The following TTF1 variants were observed in gnomAD, a reference collection of about 807,000 sequenced individuals.
TTF1 encodes transcription termination factor 1, also known as transcription termination factor, RNA polymerase I.
A neutral mutation model predicts 80.2 loss-of-function variants in TTF1; 64 were observed. The observed-to-expected ratio is 0.80, with a 90% confidence interval of 0.65 to 0.98. The LOEUF (loss-of-function observed/expected upper bound fraction) is 0.98. Ranked by LOEUF, TTF1 falls within the 50% of genes least tolerant of loss-of-function variation. TTF1 has a pLI of 0.00. For synonymous variants in TTF1, 372 were observed against 382.7 expected (o/e 0.97, Z 0.33); for missense variants, 1,023 against 1,086.2 (o/e 0.94, Z 0.82).
intron 1 of TTF1, among the ~76,000 whole-genome samples, chr9:132,405,964 C>G (rs1282891994): frequency 6.6e-6 from 1 of 152,206 alleles, no homozygotes; most frequent in Non-Finnish European, 1.5e-5. Context: ...CTTAGCCGGT[C>G]TCATCTTTCT....
In TTF1 at chr9:132,400,132, A is replaced by C. The variant is rs1404087464; in HGVS notation, c.1494T>G (p.Leu498=). The change falls in exon 3 of 11, where the codon CTT becomes CTG. Residue 498 remains leucine (L), a synonymous_variant. Transcript: ENST00000334270. ...CCTTGATGTTAGGAATGAACTCCTG[A>C]AGCTGTTTCACGGCAGAACCCAAAT... ...DADLGSAVKQ[L]QEFIPNIKDR... 1 of 1,614,180 alleles carries C rather than the reference A, an allele frequency of 6.2e-7. No homozygotes were observed. Among genetic ancestry groups the C allele is most frequent in the Non-Finnish European group, 8.5e-7 (1 of 1,180,032 alleles).
At chr9:132,394,970 T>A (rs894098413) in intron 5 of TTF1, among the ~76,000 whole-genome samples, 12 of 151,304 alleles carry the variant, frequency 7.9e-5, no homozygotes, top group Admixed American at 6.6e-4. Context: ...GGCAGGTGGA[T>A]CGCCTGAGGT....
chr9:132,401,568 G>A lies in TTF1; in HGVS notation c.1254C>T (p.Leu418=), dbSNP rs372190191. 2.7e-5 allele frequency: 44 copies of A among 1,613,998 alleles called. No homozygotes were observed. The highest frequency in any genetic ancestry group is 3.5e-5 in the Non-Finnish European group (41 of 1,180,030). The change falls in exon 2 of 11, where the codon CTC becomes CTT. Residue 418 remains leucine, a synonymous_variant. Transcript: ENST00000334270. The part of the protein sequence containing the change: ...SVPSKNSEST[L]FDSVEGDGAM... ...CGCCATCACCTTCTACTGAATCAAA[G>A]AGTGTGCTCTCAGAGTTCTTACTGG...
intron 9 of TTF1, 106 bp from the exon 10 acceptor site, chr9:132,379,250 T>A (rs1223044244): frequency 2.7e-6 from 2 of 745,390 alleles, no homozygotes; most frequent in Non-Finnish European, 4.1e-6. Context: ...TAGTTTTTTT[T>A]ATCGTAAACA....
At chr9:132,399,433 G>A (rs1731243473) in intron 3 of TTF1, among the ~76,000 whole-genome samples, 1 of 151,836 alleles carries the variant, frequency 6.6e-6, no homozygotes, top group Non-Finnish European at 1.5e-5. Context: ...GTTGTATTGG[G>A]TCTCACACAA....
At chr9:132,377,138 TGTGTGTGAGTGCATGCATGTG>T (rs1849193495) in intron 10 of TTF1, among the ~76,000 whole-genome samples, 1 of 148,646 alleles carries the variant, frequency 6.7e-6, no homozygotes, top group South Asian at 2.1e-4. Flanking sequence ...ATGCATGTGG[TGTGTGTGAGTGCATGCATGTG>T]GTGAGTGCAT....
intron 10 of TTF1, among the ~76,000 whole-genome samples, chr9:132,376,928 G>A (rs113947102): frequency 2.0e-5 from 3 of 151,962 alleles, no homozygotes; most frequent in Admixed American, 6.6e-5. Flanking sequence ...TGAACTCCTC[G>A]TCTTACAAAG....
rs779327044 is a variant in TTF1, at chr9:132,402,503, C to A, written c.319G>T (p.Val107Leu). Residue 107 changes from valine (V) to leucine (L), a missense_variant, in exon 2 of 11, where the codon GTG (valine) becomes TTG (leucine). Val to Leu is a conservative substitution (Grantham distance 32). Coordinates refer to ENST00000334270, the MANE Select transcript of TTF1 (RefSeq NM_007344.4). ...DEEAGVTVVL[V>L]DKENINNTPK... Reference sequence around the variant, plus strand: ...GTGTTGTTAATATTTTCTTTATCCACAAGGACAACTGTAACACCTGCTTCC... The same window carrying A: ...GTGTTGTTAATATTTTCTTTATCCAAAAGGACAACTGTAACACCTGCTTCC... 3.7e-6 allele frequency: 6 copies of A among 1,614,092 alleles called. No individual in the cohort carries two copies. In the South Asian group the frequency reaches 5.5e-5, roughly 15 times the overall value.
intron 7 of TTF1, among the ~76,000 whole-genome samples, chr9:132,389,568 G>A (rs1432885917): frequency 1.3e-5 from 2 of 152,102 alleles, no homozygotes; most frequent in Non-Finnish European, 2.9e-5. Flanking sequence ...TTATTCCCCT[G>A]GAGTTGTAAG....
At chr9:132,390,978 A>G in intron 6 of TTF1, 147 bp from the exon 7 acceptor site, 1 of 702,878 alleles carries the variant, frequency 1.4e-6, no homozygotes, top group South Asian at 2.0e-5. Flanking sequence ...TTATGTGCAT[A>G]TTAAAATGAA....
chr9:132,400,881 A>C (rs1849749174), intron 2 of TTF1, among the ~76,000 whole-genome samples: 1 of 152,160 alleles, frequency 6.6e-6, no homozygotes, highest in Admixed American at 6.5e-5. Flanking sequence ...ATTTACTCAT[A>C]GATTTTCTAG....
chr9:132,400,152 C>T lies in TTF1; in HGVS notation c.1474G>A (p.Gly492Ser), dbSNP rs1564190101. ...GDADDSDADL[G>S]SAVKQLQEFI... is the part of the protein sequence containing the mutation. Reference sequence around the variant, plus strand: ...TCCTGAAGCTGTTTCACGGCAGAACCCAAATCCGCATCTGAATCATCGGCA... The same window carrying T: ...TCCTGAAGCTGTTTCACGGCAGAACTCAAATCCGCATCTGAATCATCGGCA... Residue 492 changes from glycine (G) to serine (S), a missense_variant, in exon 3 of 11, where the codon GGT becomes AGT. Gly to Ser is a moderately conservative substitution (Grantham distance 56, BLOSUM62 0). Transcript: ENST00000334270. 1.9e-6 allele frequency: 3 copies of T among 1,614,120 alleles called. No individual in the cohort carries two copies. Among genetic ancestry groups the T allele is most frequent in the Non-Finnish European group, 2.5e-6 (3 of 1,180,028 alleles).
chr9:132,403,110 C>T (rs1849799376), intron 1 of TTF1, among the ~76,000 whole-genome samples: 1 of 152,182 alleles, frequency 6.6e-6, no homozygotes, highest in Admixed American at 6.5e-5. Flanking sequence ...CCGCCCACTC[C>T]AGCCTCCCAA....
rs1464624792 is a variant in TTF1, at chr9:132,384,496, G to C, written c.2378+2060C>G. ...ATTCAAGCAGTAACAAAAGAGAGTA[G>C]GTATAAATAGCCAACATTAGCCATC... is the stretch of plus-strand genomic sequence containing the variant. On this transcript the variant is annotated intron_variant, in intron 9 of 10. Transcript: ENST00000334270. This position sits in a 1 kb window ranked among gnomAD's most constrained non-coding sequence, Gnocchi z 4.1. Among the ~76,000 whole-genome samples, 1 of 152,118 alleles carries C rather than the reference G, an allele frequency of 6.6e-6. No individual in the cohort carries two copies. Among genetic ancestry groups the C allele is most frequent in the Non-Finnish European group, 1.5e-5 (1 of 68,032 alleles).
chr9:132,387,823 C>T (rs1345106588), intron 8 of TTF1, among the ~76,000 whole-genome samples: 1 of 152,146 alleles, frequency 6.6e-6, no homozygotes, highest in Non-Finnish European at 1.5e-5. Context: ...TTCCAACGGG[C>T]GTAAATAATT....
rs757835009 is a variant in TTF1 at position 132,400,160 on chromosome 9, G to A, written c.1466C>T (p.Ala489Val). 50 of 1,613,962 alleles carry A rather than the reference G, an allele frequency of 3.1e-5. No homozygotes were observed. The highest frequency in any genetic ancestry group is 4.0e-5 in the Non-Finnish European group (47 of 1,180,024). Reference sequence around the variant, plus strand: ...CTGTTTCACGGCAGAACCCAAATCCGCATCTGAATCATCGGCATCTCCTGA... The same window carrying A: ...CTGTTTCACGGCAGAACCCAAATCCACATCTGAATCATCGGCATCTCCTGA... ...ADSGDADDSDADLGSAVKQLQ... is the reference protein window; with the variant it reads ...ADSGDADDSDVDLGSAVKQLQ... Residue 489 changes from alanine (A) to valine (V), a missense_variant, in exon 3 of 11, where the codon GCG (alanine) becomes GTG (valine). Physicochemically the swap from Ala to Val is moderately conservative, Grantham distance 64. Transcript: ENST00000334270.
At chr9:132,395,320 A>G (rs2131640896) in intron 5 of TTF1, among the ~76,000 whole-genome samples, 1 of 152,358 alleles carries the variant, frequency 6.6e-6, no homozygotes, top group South Asian at 2.1e-4. Flanking sequence ...TTCTAAGGGT[A>G]AATGATCACC....
In TTF1 at chr9:132,395,811, C is replaced by T. The variant is rs536072329; in HGVS notation, c.1856+622G>A. 5.5e-4 allele frequency among the ~76,000 whole-genome samples: 83 copies of T among 152,280 alleles called. 1 individual carries two copies. The highest frequency in any genetic ancestry group is 1.8e-3 in the African/African-American group (76 of 41,554). On this transcript the variant is annotated intron_variant, in intron 5 of 10. Coordinates refer to ENST00000334270, the MANE Select transcript of TTF1 (RefSeq NM_007344.4). ...GGTAGTTTTCGGGGGCCGTGGAATC[C>T]GAGCTAACACCTTCCTGCTTCTCCT...
rs138198381 is a variant in TTF1, at chr9:132,381,767, G to A, written c.2379-2623C>T. Among the ~76,000 whole-genome samples, 4 of 152,232 alleles carry A rather than the reference G, an allele frequency of 2.6e-5. No individual in the cohort carries two copies. In the South Asian group the frequency reaches 8.3e-4, roughly 32 times the overall value. On this transcript the variant is annotated intron_variant, in intron 9 of 10. Transcript: ENST00000334270. ...TCTCCACATTCAAGAAGGAAGAGAC[G>A]GATTGTCCTTTCTTGTTTGGTTATA...
Sources: gnomAD v4.1 joint callset for allele counts (sites outside exome capture counted in the v4.1 genomes callset) on GRCh38, gnomAD v4.1.1 for gene constraint, Gnocchi (gnomAD v3.1) non-coding constraint, MANE v1.5 for transcripts, NCBI Gene and HGNC (gene_info 2026-07-23, HGNC 2026-07-21) for gene names.